Variants in IMMP2L observed in about 807,000 individuals in gnomAD.
IMMP2L encodes the protein mitochondrial inner membrane protease subunit 2.
In IMMP2L, 18 loss-of-function variants were observed where a neutral mutation model predicts 19.3. The observed-to-expected ratio is 0.93, with a 90% CI of 0.64 to 1.38. The LOEUF (loss-of-function observed/expected upper bound fraction) is 1.38. Among genes scored for constraint, IMMP2L ranks in the 40% most tolerant of loss-of-function variants. The pLI, the probability that IMMP2L is intolerant of heterozygous loss-of-function variation, is 0.00. For synonymous variants in IMMP2L, 76 were observed against 73.0 expected, an observed-to-expected ratio of 1.04 and a Z score of -0.21; for missense variants, 233 against 218.2, an observed-to-expected ratio of 1.07 and a Z score of -0.43.
intron 3 of IMMP2L, among the ~76,000 whole-genome samples, chr7:111,237,211 T>C (rs1814435501): frequency 6.6e-6 from 1 of 152,168 alleles, no homozygotes; most frequent in South Asian, 2.1e-4. Context: ...AATTCCTTGC[T>C]TTGAAGCTAA....
intron 3 of IMMP2L, among the ~76,000 whole-genome samples, chr7:111,279,029 C>T (rs1422005842): frequency 6.6e-6 from 1 of 151,968 alleles, no homozygotes; most frequent in East Asian, 1.9e-4. Context: ...ATCAATTAAC[C>T]TAAGTAGTCT....
intron 1 of IMMP2L, among the ~76,000 whole-genome samples, chr7:111,547,505 A>T (rs1563342225): frequency 1.5e-5 from 2 of 135,818 alleles, no homozygotes; most frequent in African/African-American, 5.6e-5. Flanking sequence ...AAACTGTCAT[A>T]CCCCCCCCCC....
intron 5 of IMMP2L, among the ~76,000 whole-genome samples, chr7:110,884,032 TGAA>T (rs1476271678): frequency 1.3e-5 from 2 of 152,072 alleles, no homozygotes; most frequent in Admixed American, 6.5e-5. Flanking sequence ...CATTTTTAAT[TGAA>T]GAGTCAATTG....
chr7:111,080,405 C>T (rs77443090), intron 3 of IMMP2L, among the ~76,000 whole-genome samples: 1,855 of 151,892 alleles, frequency 0.012, 14 homozygotes, highest in Non-Finnish European at 0.017. Context: ...AACATACACA[C>T]ACACACGTAT....
chr7:110,818,799 T>A (rs1802767489), intron 5 of IMMP2L, among the ~76,000 whole-genome samples: 1 of 152,012 alleles, frequency 6.6e-6, no homozygotes, highest in Non-Finnish European at 1.5e-5. Context: ...GATGAGTTCA[T>A]GTCCTTTGTA....
rs1793482037 is a variant in IMMP2L at position 110,691,220 on chromosome 7, AG to A, written c.409-27500del. 2.6e-5 allele frequency among the ~76,000 whole-genome samples: 4 copies of A among 152,168 alleles called. No homozygotes were observed. The South Asian group carries it at 8.3e-4, about 31-fold the overall frequency. On this transcript the variant is annotated intron_variant, in intron 5 of 5. Coordinates refer to ENST00000405709, the MANE Select transcript of IMMP2L (RefSeq NM_032549.4). ...GCATAGAAAAACATAAATTGGGGAA[AG>A]GACACCCTATGTCATAAGTGGTGCT...
chr7:110,966,408 C>T (rs1318201453), intron 3 of IMMP2L, among the ~76,000 whole-genome samples: 1 of 151,816 alleles, frequency 6.6e-6, no homozygotes, highest in Non-Finnish European at 1.5e-5. Context: ...AGAGGTAAGA[C>T]CTGAATTAAT....
chr7:110,825,296 A>G (rs1198554545), intron 5 of IMMP2L, among the ~76,000 whole-genome samples: 1 of 152,176 alleles, frequency 6.6e-6, no homozygotes, highest in Non-Finnish European at 1.5e-5. Flanking sequence ...CATCCCCATC[A>G]AGCTACCAAT....
chr7:111,410,631 T>C (rs1479210608), intron 3 of IMMP2L, among the ~76,000 whole-genome samples: 4 of 151,340 alleles, frequency 2.6e-5, no homozygotes, highest in Non-Finnish European at 5.9e-5. Context: ...AAAATTAACA[T>C]TAAAAGGCCT....
intron 5 of IMMP2L, among the ~76,000 whole-genome samples, chr7:110,698,295 A>G (rs994769921): frequency 7.9e-5 from 12 of 152,248 alleles, no homozygotes; most frequent in African/African-American, 2.9e-4. Context: ...TCAATCATGT[A>G]TAACTGTTAC....
chr7:111,117,016 T>C (rs761930963), intron 3 of IMMP2L, among the ~76,000 whole-genome samples: 2 of 152,102 alleles, frequency 1.3e-5, no homozygotes, highest in Non-Finnish European at 2.9e-5. Context: ...ATTTAATGAT[T>C]AAAGTAACTC....
chr7:111,018,320 G>A lies in IMMP2L; in HGVS notation c.240-54755C>T, dbSNP rs75464813. 5.2e-4 allele frequency among the ~76,000 whole-genome samples: 79 copies of A among 152,256 alleles called. No homozygotes were observed. In the East Asian group the frequency reaches 0.014, roughly 26 times the overall value. ...GGACAAGTGTTAGCGGCTCTGTGGC[G>A]CAAGTGTTAATACTGATTGCAAATT... On this transcript the variant is annotated intron_variant, in intron 3 of 5. Transcript: ENST00000405709.
intron 5 of IMMP2L, among the ~76,000 whole-genome samples, chr7:110,882,672 T>C (rs1809810390): frequency 6.6e-6 from 1 of 152,052 alleles, no homozygotes; most frequent in Non-Finnish European, 1.5e-5. Flanking sequence ...TGAGCCACCA[T>C]GCCCAGCTGT....
chr7:111,453,175 T>C (rs540424154), intron 3 of IMMP2L, among the ~76,000 whole-genome samples: 25 of 152,328 alleles, frequency 1.6e-4, no homozygotes, highest in Non-Finnish European at 2.8e-4. Context: ...GCAGCCTTCA[T>C]TGAAACCCAG....
At chr7:111,468,481 T>G (rs1840897618) in intron 3 of IMMP2L, among the ~76,000 whole-genome samples, 1 of 152,106 alleles carries the variant, frequency 6.6e-6, no homozygotes, top group African/African-American at 2.4e-5. Context: ...AAGCCTAAAA[T>G]TTCATCATTT....
At chr7:110,715,352 GATGTT>G (rs1487479248) in intron 5 of IMMP2L, among the ~76,000 whole-genome samples, 1 of 152,066 alleles carries the variant, frequency 6.6e-6, no homozygotes, top group Non-Finnish European at 1.5e-5. Context: ...CTGTAGGTGT[GATGTT>G]ATATCATTAA....
At chr7:111,363,729 A>AAGGTAT (rs1829475477) in intron 3 of IMMP2L, among the ~76,000 whole-genome samples, 1 of 152,002 alleles carries the variant, frequency 6.6e-6, no homozygotes, top group South Asian at 2.1e-4. Flanking sequence ...TAAAACCTTC[A>AAGGTAT]AGGTATCTCC....
At chr7:111,163,212 C>G (rs1805457982) in intron 3 of IMMP2L, among the ~76,000 whole-genome samples, 1 of 152,034 alleles carries the variant, frequency 6.6e-6, no homozygotes, top group African/African-American at 2.4e-5. Flanking sequence ...GCACCTTGCT[C>G]TAATACCATT....
chr7:110,672,229 G>A (rs989156754), intron 5 of IMMP2L, among the ~76,000 whole-genome samples: 10 of 151,958 alleles, frequency 6.6e-5, no homozygotes, highest in African/African-American at 2.4e-4. Flanking sequence ...CAGAAGTGCT[G>A]AGCAAAAGGG....
Sources: gnomAD v4.1 joint callset for allele counts (sites outside exome capture counted in the v4.1 genomes callset) on GRCh38, gnomAD v4.1.1 for gene constraint, MANE v1.5 for transcripts, NCBI Gene and HGNC (gene_info 2026-07-23, HGNC 2026-07-21) for gene names.